Variants in SUV39H2 observed in about 807,000 individuals in gnomAD.
SUV39H2 encodes SUV39H2 histone lysine methyltransferase.
In SUV39H2, 10 loss-of-function variants were observed where a neutral mutation model predicts 47.5. The ratio of observed to expected loss-of-function variants is 0.21; its 90% CI spans 0.13 to 0.36. SUV39H2 has a LOEUF of 0.36. Among genes scored for constraint, SUV39H2 ranks in the 10% least tolerant of loss-of-function variants. SUV39H2 has a pLI of 1.00. For missense variants in SUV39H2, 266 were observed against 487.4 expected (o/e 0.55, Z 4.28); for synonymous variants, 159 against 166.8 (o/e 0.95, Z 0.36).
At chr10:14,904,314 AATTTT>A (rs1303367319) in exon 6 of SUV39H2, 3 of 144,388 alleles carry the variant, frequency 2.1e-5, no homozygotes, top group African/African-American at 8.0e-5. Context: ...AAAAAAAAAA[AATTTT>A]TTTTTTTTTT....
chr10:14,891,649 T>C (rs1233283037), intron 2 of SUV39H2, among the ~76,000 whole-genome samples: 3 of 151,966 alleles, frequency 2.0e-5, no homozygotes, highest in Admixed American at 6.6e-5. Flanking sequence ...TTAGTGATGA[T>C]TGGATTGAGG....
At chr10:14,887,401 G>A (rs1179768301) in intron 2 of SUV39H2, among the ~76,000 whole-genome samples, 1 of 152,144 alleles carries the variant, frequency 6.6e-6, no homozygotes, top group Non-Finnish European at 1.5e-5. Flanking sequence ...TACAGGAGTA[G>A]GAACTAGATT....
intron 2 of SUV39H2, among the ~76,000 whole-genome samples, chr10:14,888,885 A>T (rs559703945): frequency 1.3e-5 from 2 of 152,240 alleles, no homozygotes; most frequent in Non-Finnish European, 2.9e-5. Context: ...CAGGCGGATC[A>T]CCTGAGGTCG....
intron 2 of SUV39H2, among the ~76,000 whole-genome samples, chr10:14,896,026 C>G (rs1265444107): frequency 6.6e-6 from 1 of 151,866 alleles, no homozygotes; most frequent in Non-Finnish European, 1.5e-5. Context: ...TCACTGCAAC[C>G]TCTGCCTCCC....
intron 1 of SUV39H2, chr10:14,879,173 C>A: frequency 8.6e-7 from 1 of 1,166,768 alleles, no homozygotes; most frequent in Non-Finnish European, 1.1e-6. Context: ...GGAGCGTGGC[C>A]TCTCCGCCCG....
chr10:14,888,290 T>C (rs1475408707), intron 2 of SUV39H2, among the ~76,000 whole-genome samples: 1 of 151,932 alleles, frequency 6.6e-6, no homozygotes, highest in African/African-American at 2.4e-5. Context: ...GGGACACTCA[T>C]AGGAAGGACT....
At chr10:14,887,364 G>A (rs892129411) in intron 2 of SUV39H2, among the ~76,000 whole-genome samples, 3 of 152,194 alleles carry the variant, frequency 2.0e-5, no homozygotes, top group Admixed American at 6.5e-5. Context: ...GGGCAGTGGT[G>A]TAGACAGTAT....
At chr10:14,899,106 G>C in intron 3 of SUV39H2, 1 of 637,196 alleles carries the variant, frequency 1.6e-6, no homozygotes, top group East Asian at 2.7e-5. Context: ...GCTCACTTGA[G>C]CCCAGGAGTT....
chr10:14,892,755 T>G (rs900324591), intron 2 of SUV39H2, among the ~76,000 whole-genome samples: 1 of 152,144 alleles, frequency 6.6e-6, no homozygotes, highest in Non-Finnish European at 1.5e-5. Context: ...CATATACTTA[T>G]TATAGATCCT....
At chr10:14,886,396 C>G (rs1011294912) in intron 2 of SUV39H2, among the ~76,000 whole-genome samples, 2 of 152,192 alleles carry the variant, frequency 1.3e-5, no homozygotes, top group African/African-American at 4.8e-5. Flanking sequence ...TGCCATTACT[C>G]TAGAACTTGT....
intron 2 of SUV39H2, among the ~76,000 whole-genome samples, chr10:14,887,816 T>A (rs1833261041): frequency 6.6e-6 from 1 of 152,228 alleles, no homozygotes; most frequent in South Asian, 2.1e-4. Flanking sequence ...TAAGTGTTGA[T>A]GTGACAGAAA....
intron 2 of SUV39H2, among the ~76,000 whole-genome samples, chr10:14,886,090 T>A (rs1188227605): frequency 6.6e-6 from 1 of 152,246 alleles, no homozygotes; most frequent in Non-Finnish European, 1.5e-5. Flanking sequence ...TTCATTTAGC[T>A]AAGATGTACT....
chr10:14,896,383 G>T (rs1379591160), intron 2 of SUV39H2, among the ~76,000 whole-genome samples: 5 of 152,222 alleles, frequency 3.3e-5, no homozygotes, highest in Non-Finnish European at 7.3e-5. Flanking sequence ...ATGATGTTGA[G>T]AAATGAGTTC....
At chr10:14,893,071 A>T (rs113741685) in intron 2 of SUV39H2, among the ~76,000 whole-genome samples, 25,317 of 138,368 alleles carry the variant, frequency 0.18, 2,705 homozygotes, top group Middle Eastern at 0.32. Flanking sequence ...GGCGCAATCT[A>T]GGCTCACTGC....
At chr10:14,881,680 A>G (rs753599114) in intron 2 of SUV39H2, 35 bp downstream of exon 2, 2 of 1,397,022 alleles carry the variant, frequency 1.4e-6, no homozygotes, top group Admixed American at 2.8e-5. Flanking sequence ...CAAGAGACCT[A>G]ATCAGACTTC....
At chr10:14,887,848 A>G (rs1393600300) in intron 2 of SUV39H2, among the ~76,000 whole-genome samples, 1 of 152,212 alleles carries the variant, frequency 6.6e-6, no homozygotes, top group Non-Finnish European at 1.5e-5. Context: ...TCCTGGAGAG[A>G]CTGGGCAGGT....
rs1184248703 is a variant in SUV39H2, at chr10:14,901,210, C to T, written c.1074C>T (p.Ser358=). 6.2e-7 allele frequency: 1 copy of T among 1,613,848 alleles called. No homozygotes were observed. The highest frequency in any genetic ancestry group is 1.3e-5 in the African/African-American group (1 of 74,886). The change falls in exon 5 of 6, where the codon TCC becomes TCT. Residue 358 remains serine, a synonymous_variant. Transcript: ENST00000354919. ...GTCTTCCCCGAATAGCATTGTTTTC[C>T]ACAAGAACCATAAATGCTGGAGAAG... is the stretch of plus-strand genomic sequence containing the variant. The part of the protein sequence containing the change: ...DTRLPRIALF[S]TRTINAGEEL...
At chr10:14,883,519 AC>A (rs1486167977) in intron 2 of SUV39H2, among the ~76,000 whole-genome samples, 2 of 151,750 alleles carry the variant, frequency 1.3e-5, no homozygotes, top group Non-Finnish European at 2.9e-5. Flanking sequence ...AGCCTGGCCA[AC>A]ATAGTGAAAC....
At chr10:14,885,280 TAC>T (rs1224189213) in intron 2 of SUV39H2, among the ~76,000 whole-genome samples, 1 of 152,230 alleles carries the variant, frequency 6.6e-6, no homozygotes, top group East Asian at 1.9e-4. Context: ...TCCTCCTTCA[TAC>T]CTGGATTTTG....
Sources: allele counts gnomAD v4.1 joint callset (sites outside exome capture counted in the v4.1 genomes callset), GRCh38; gene constraint gnomAD v4.1.1; transcripts MANE v1.5; gene names NCBI Gene and HGNC (gene_info 2026-07-23, HGNC 2026-07-21).